CPQ: variants seen among roughly 807,000 people sequenced by gnomAD.
CPQ encodes Ser-Met dipeptidase.
In CPQ, 37 loss-of-function variants were observed where a neutral mutation model predicts 45.7. The ratio of observed to expected loss-of-function variants is 0.81; its 90% confidence interval spans 0.62 to 1.07. The LOEUF is 1.07. CPQ is among the 50% of genes least tolerant of loss of function. The pLI, the probability that CPQ is intolerant of heterozygous loss-of-function variation, is 0.00. For missense variants in CPQ, 537 were observed against 572.9 expected, an observed-to-expected ratio of 0.94 and a Z score of 0.64; for synonymous variants, 186 against 205.8, an observed-to-expected ratio of 0.90 and a Z score of 0.82.
chr8:97,107,807 T>A (rs1457434546), intron 7 of CPQ, among the ~76,000 whole-genome samples: 1 of 152,094 alleles, frequency 6.6e-6, no homozygotes, highest in Non-Finnish European at 1.5e-5. Context: ...AGAAATAACA[T>A]GTTTGCTCAT....
In CPQ at chr8:97,134,023, A is replaced by T. The variant is rs541294382; in HGVS notation, c.1256-8997A>T. Among the ~76,000 whole-genome samples, 224 of 152,330 alleles carry T rather than the reference A, an allele frequency of 1.5e-3. 1 individual carries two copies. Among genetic ancestry groups the T allele is most frequent in the African/African-American group, 5.2e-3 (215 of 41,564 alleles). Reference sequence around the variant, plus strand: ...ATGTTCACATGGTTTTGGTAAGGAGAACTGACTTGTCATTCTCCAAGGCAG... The same window carrying T: ...ATGTTCACATGGTTTTGGTAAGGAGTACTGACTTGTCATTCTCCAAGGCAG... On this transcript the variant is annotated intron_variant, in intron 7 of 7. Transcript: ENST00000220763.
At chr8:97,119,961 T>C (rs889990163) in intron 7 of CPQ, among the ~76,000 whole-genome samples, 1 of 152,184 alleles carries the variant, frequency 6.6e-6, no homozygotes, top group African/African-American at 2.4e-5. Flanking sequence ...ACAGTAGTGG[T>C]GGTAGCACAT....
intron 2 of CPQ, among the ~76,000 whole-genome samples, chr8:96,833,900 T>C (rs770824471): frequency 7.2e-5 from 11 of 152,212 alleles, no homozygotes; most frequent in Non-Finnish European, 1.0e-4. Context: ...ATTTTCCAAG[T>C]AACAGTTAAC....
At chr8:97,019,074 T>C (rs1035437521) in intron 5 of CPQ, among the ~76,000 whole-genome samples, 7 of 152,184 alleles carry the variant, frequency 4.6e-5, no homozygotes, top group Non-Finnish European at 8.8e-5. Flanking sequence ...TGGGGCCCTA[T>C]CTTCAGCCCC....
In CPQ at chr8:96,823,893, A is replaced by G. The variant is rs866012434; in HGVS notation, c.434-11080A>G. Among the ~76,000 whole-genome samples the G allele has an allele frequency of 5.7e-4, 86 of 152,028 alleles. 1 individual carries two copies. The highest frequency in any genetic ancestry group is 2.0e-3 in the African/African-American group (82 of 41,416). ...AGTGACTGTCAGATAAATCTGCTTG[A>G]TAAGACAGTTTTACTTTAACTTTTG... is the stretch of plus-strand genomic sequence containing the variant. On this transcript the variant is annotated intron_variant, in intron 2 of 7. Coordinates refer to ENST00000220763, the MANE Select transcript of CPQ (RefSeq NM_016134.4).
At chr8:97,070,500 T>C (rs572480185) in intron 7 of CPQ, among the ~76,000 whole-genome samples, 2 of 152,228 alleles carry the variant, frequency 1.3e-5, no homozygotes, top group African/African-American at 4.8e-5. Context: ...AACAAAAACA[T>C]TGAAATAATT....
intron 1 of CPQ, among the ~76,000 whole-genome samples, chr8:96,779,198 A>G (rs1281177202): frequency 6.6e-6 from 1 of 152,056 alleles, no homozygotes; most frequent in African/African-American, 2.4e-5. Flanking sequence ...TGGTCCCTCT[A>G]GAAAGGGTAC....
At chr8:97,116,771 A>G (rs1811601134) in intron 7 of CPQ, among the ~76,000 whole-genome samples, 1 of 152,254 alleles carries the variant, frequency 6.6e-6, no homozygotes, top group Non-Finnish European at 1.5e-5. Context: ...GTTGGGAAAT[A>G]CAGAGGAGGT....
chr8:96,733,703 TA>T (rs1333071752), intron 1 of CPQ, among the ~76,000 whole-genome samples: 2 of 152,198 alleles, frequency 1.3e-5, no homozygotes, highest in African/African-American at 4.8e-5. Context: ...TGTAATCGTG[TA>T]AATAATGAGG....
chr8:96,912,500 G>C (rs561507004), intron 4 of CPQ, among the ~76,000 whole-genome samples: 1 of 152,252 alleles, frequency 6.6e-6, no homozygotes, highest in African/African-American at 2.4e-5. Flanking sequence ...GCTTATTAAA[G>C]AGCACATTAA....
chr8:96,975,682 A>T (rs939929290), intron 5 of CPQ, among the ~76,000 whole-genome samples: 3 of 152,082 alleles, frequency 2.0e-5, no homozygotes, highest in Non-Finnish European at 4.4e-5. Flanking sequence ...TGCAGGGTTG[A>T]TTTAAGAGAC....
chr8:97,113,224 C>CT (rs1554590718), intron 7 of CPQ, among the ~76,000 whole-genome samples: 3 of 152,040 alleles, frequency 2.0e-5, no homozygotes, highest in South Asian at 2.1e-4. Flanking sequence ...CCAGAAAGAC[C>CT]TTTTTTTGTT....
intron 7 of CPQ, among the ~76,000 whole-genome samples, chr8:97,099,989 C>T (rs1811275906): frequency 1.3e-5 from 2 of 152,136 alleles, no homozygotes; most frequent in South Asian, 4.1e-4. Flanking sequence ...CCAAGGCAAC[C>T]ACATTATTGA....
intron 1 of CPQ, among the ~76,000 whole-genome samples, chr8:96,665,300 A>G (rs1030515921): frequency 1.3e-5 from 2 of 152,228 alleles, no homozygotes; most frequent in South Asian, 4.1e-4. Context: ...AAGATGAGTT[A>G]CATATGATAC....
rs77736326 is a variant in CPQ at position 97,137,326 on chromosome 8, A to T, written c.1256-5694A>T. 5.9e-3 allele frequency among the ~76,000 whole-genome samples: 900 copies of T among 152,274 alleles called. 5 individuals are homozygous for T. The highest frequency in any genetic ancestry group is 0.02 in the African/African-American group (829 of 41,556). ...GTGTCTTTAAGAAGCTCTGACTGGG[A>T]AGGAAACAGCCCCAAGTGTTCCAAG... is the stretch of plus-strand genomic sequence containing the variant. On this transcript the variant is annotated intron_variant, in intron 7 of 7. Coordinates refer to ENST00000220763, the MANE Select transcript of CPQ (RefSeq NM_016134.4).
At chr8:96,986,273 C>CA (rs1486663315) in intron 5 of CPQ, among the ~76,000 whole-genome samples, 1 of 152,190 alleles carries the variant, frequency 6.6e-6, no homozygotes, top group East Asian at 1.9e-4. Context: ...CCACCCTTGA[C>CA]AAATGACCCT....
At chr8:96,737,365 T>TATATATATATATATATATATATATATAC (rs1810000168) in intron 1 of CPQ, among the ~76,000 whole-genome samples, 1 of 145,598 alleles carries the variant, frequency 6.9e-6, no homozygotes, top group African/African-American at 2.5e-5. Context: ...GATATATATA[T>TATATATATATATATATATATATATATAC]ATATGAGTTT....
At chr8:96,935,586 A>G (rs575465161) in intron 4 of CPQ, among the ~76,000 whole-genome samples, 1 of 152,258 alleles carries the variant, frequency 6.6e-6, no homozygotes, top group African/African-American at 2.4e-5. Flanking sequence ...ACAACCCACC[A>G]CAAGCTGATA....
chr8:96,890,646 T>C (rs1434654582), intron 4 of CPQ, among the ~76,000 whole-genome samples: 1 of 152,212 alleles, frequency 6.6e-6, no homozygotes, highest in Non-Finnish European at 1.5e-5. Flanking sequence ...CGGCCAACAC[T>C]GTAACTCCCT....
Sources: gnomAD v4.1 joint callset for allele counts (sites outside exome capture counted in the v4.1 genomes callset) on GRCh38, gnomAD v4.1.1 for gene constraint, MANE v1.5 for transcripts, NCBI Gene and HGNC (gene_info 2026-07-23, HGNC 2026-07-21) for gene names.